Variants in RASGEF1B observed in about 807,000 individuals in gnomAD.
RASGEF1B encodes the protein ras-GEF domain-containing family member 1B.
In RASGEF1B, 30 loss-of-function variants were observed where a neutral mutation model predicts 65.7. The observed-to-expected ratio is 0.46, with a 90% CI of 0.34 to 0.62. The LOEUF is 0.62. Among genes scored for constraint, RASGEF1B ranks in the 20% least tolerant of loss-of-function variants. RASGEF1B has a pLI of 0.01. For synonymous variants in RASGEF1B, 175 were observed against 194.8 expected (o/e 0.90, Z 0.85); for missense variants, 495 against 580.1 (o/e 0.85, Z 1.51).
At chr4:81,435,649 T>C (rs1349896116) in intron 10 of RASGEF1B, among the ~76,000 whole-genome samples, 1 of 147,184 alleles carries the variant, frequency 6.8e-6, no homozygotes, top group Non-Finnish European at 1.5e-5. Context: ...TTTTTTTTTG[T>C]ATTTTTTAGT....
chr4:81,468,907 G>C (rs1450539201), intron 1 of RASGEF1B, among the ~76,000 whole-genome samples: 2 of 152,188 alleles, frequency 1.3e-5, no homozygotes, highest in Non-Finnish European at 2.9e-5. Context: ...TGCAGGCATA[G>C]AGAAAAAATA....
At chr4:81,432,445 C>A in intron 12 of RASGEF1B, 74 bp from the exon 13 acceptor site, 1 of 908,678 alleles carries the variant, frequency 1.1e-6, no homozygotes, top group South Asian at 1.5e-5. Context: ...CACCCTTGTT[C>A]GACTTGAGCC....
In RASGEF1B at chr4:81,445,407, A is replaced by G. The variant is rs576283235; in HGVS notation, c.928+119T>C. 4.8e-5 allele frequency: 35 copies of G among 731,084 alleles called. No homozygotes were observed. The East Asian group carries it at 7.4e-4, about 16-fold the overall frequency. The allele number at this position is 731,084 out of a possible 1,614,324, so 45.3% of individuals were successfully genotyped here. A position where few individuals can be genotyped will look rare whatever the true frequency, so the allele number is the denominator to read the frequency against. ...TAAAGCATTTTGGGCATTCTCAAAT[A>G]ACTCTGGATTAAAAAATACAGTCTG... On this transcript the variant is annotated intron_variant, in intron 8 of 13. Coordinates refer to ENST00000264400, the MANE Select transcript of RASGEF1B (RefSeq NM_152545.3).
At chr4:81,463,590 C>T (rs1440757482) in intron 1 of RASGEF1B, among the ~76,000 whole-genome samples, 1 of 152,172 alleles carries the variant, frequency 6.6e-6, no homozygotes. Flanking sequence ...AACCAGTGGC[C>T]AGTCTAGCTG....
At chr4:81,470,303 T>A (rs2110003301) in intron 1 of RASGEF1B, among the ~76,000 whole-genome samples, 1 of 152,326 alleles carries the variant, frequency 6.6e-6, no homozygotes, top group Admixed American at 6.5e-5. Context: ...GCCAACCAGG[T>A]ATATACGCTG....
intron 12 of RASGEF1B, among the ~76,000 whole-genome samples, chr4:81,432,697 T>TTGGA (rs1553943651): frequency 3.9e-5 from 6 of 152,086 alleles, no homozygotes; most frequent in African/African-American, 9.7e-5. Context: ...AAGAAAGGGG[T>TTGGA]GGGAGTTCTT....
At chr4:81,442,490 TAGTA>T (rs1327697680) in intron 8 of RASGEF1B, 114 bp from the exon 9 acceptor site, 52 of 683,712 alleles carry the variant, frequency 7.6e-5, no homozygotes, top group South Asian at 3.6e-4. Context: ...ATTCTAAAAT[TAGTA>T]AGTAACAAAC....
intron 1 of RASGEF1B, among the ~76,000 whole-genome samples, chr4:81,460,389 G>A (rs777936734): frequency 3.9e-5 from 6 of 152,176 alleles, no homozygotes; most frequent in East Asian, 1.9e-4. Flanking sequence ...CTGGCACCAC[G>A]TCTGCACAAT....
chr4:81,432,020 A>AT (rs144119071), intron 13 of RASGEF1B, among the ~76,000 whole-genome samples: 4,948 of 152,168 alleles, frequency 0.033, 259 homozygotes, highest in African/African-American at 0.11. Context: ...AAGTCAATGC[A>AT]TTTTTTTTAA....
At chr4:81,465,286 A>G (rs529667994) in intron 1 of RASGEF1B, among the ~76,000 whole-genome samples, 1 of 152,318 alleles carries the variant, frequency 6.6e-6, no homozygotes, top group South Asian at 2.1e-4. Flanking sequence ...AATGGAAAAC[A>G]GACTCTGGTT....
intron 13 of RASGEF1B, among the ~76,000 whole-genome samples, chr4:81,428,490 GTAA>G (rs1190706510): frequency 2.0e-5 from 3 of 152,116 alleles, no homozygotes; most frequent in African/African-American, 7.2e-5. Flanking sequence ...TGTTCCCTAA[GTAA>G]TATGGTATAA....
intron 2 of RASGEF1B, 60 bp from the exon 3 acceptor site, chr4:81,457,681 T>A: frequency 6.3e-7 from 1 of 1,579,218 alleles, no homozygotes; most frequent in Non-Finnish European, 8.6e-7. Flanking sequence ...TATCTTGCCT[T>A]TATACTATGT....
Position 81,445,636 on chromosome 4 carries a change from G to A in RASGEF1B, c.826-8C>T. On this transcript the variant is annotated splice_region_variant and splice_polypyrimidine_tract_variant and intron_variant, in intron 7 of 13. Coordinates refer to ENST00000264400, the MANE Select transcript of RASGEF1B (RefSeq NM_152545.3). Reference sequence around the variant, plus strand: ...GTGTTTTTTCTTAACAGGCTACACAGTAAAAGACAATAGAGGGCAGTTATC... The same window carrying A: ...GTGTTTTTTCTTAACAGGCTACACAATAAAAGACAATAGAGGGCAGTTATC... The A allele has an allele frequency of 6.2e-7, 1 of 1,607,620 alleles. No individual in the cohort carries two copies. Among genetic ancestry groups the A allele is most frequent in the Non-Finnish European group, 8.5e-7 (1 of 1,174,182 alleles).
At chr4:81,436,716 T>C (rs1332197060) in intron 10 of RASGEF1B, among the ~76,000 whole-genome samples, 1 of 152,216 alleles carries the variant, frequency 6.6e-6, no homozygotes, top group African/African-American at 2.4e-5. Context: ...GTGGTACTTC[T>C]ATATTGAGTG....
Position 81,466,530 on chromosome 4 carries a change from T to G in RASGEF1B, c.-7+5240A>C, listed in dbSNP as rs575852676. On this transcript the variant is annotated intron_variant, in intron 1 of 13. Transcript: ENST00000264400. Reference sequence around the variant, plus strand: ...ATCCCAGCTCTTTGGGAGGCTGAGGTGGGCAGATCACAAAGTCAGCAGATC... The same window carrying G: ...ATCCCAGCTCTTTGGGAGGCTGAGGGGGGCAGATCACAAAGTCAGCAGATC... Among the ~76,000 whole-genome samples the G allele has an allele frequency of 5.9e-5, 9 of 151,682 alleles. No individual in the cohort carries two copies. In the South Asian group the frequency reaches 1.5e-3, roughly 25 times the overall value.
rs568931517 is a variant in RASGEF1B, at chr4:81,427,575, GTCTA to G, written c.*189_*192del. ...AACATTTCAGTCTCACAAAATCTGA[GTCTA>G]TCTGTCAGCTGCAGGAAATAAGTTC... On this transcript the variant is annotated 3_prime_UTR_variant, in exon 14 of 14. Transcript: ENST00000264400. 1,592 of 538,414 alleles carry G rather than the reference GTCTA, an allele frequency of 3.0e-3. 3 individuals carry two copies. Among genetic ancestry groups the G allele is most frequent in the South Asian group, 7.7e-3 (284 of 37,120 alleles). The allele number at this position is 538,414 out of a possible 1,614,324, so 33.4% of individuals were successfully genotyped here. A position where few individuals can be genotyped will look rare whatever the true frequency, so the allele number is the denominator to read the frequency against.
chr4:81,460,988 G>C (rs1000055130), intron 1 of RASGEF1B, among the ~76,000 whole-genome samples: 12 of 151,436 alleles, frequency 7.9e-5, no homozygotes, highest in Admixed American at 7.9e-4. Context: ...GCAGCCAAAG[G>C]GTCAGGCACT....
intron 1 of RASGEF1B, among the ~76,000 whole-genome samples, chr4:81,466,431 G>A (rs1294171638): frequency 6.6e-6 from 1 of 152,066 alleles, no homozygotes; most frequent in African/African-American, 2.4e-5. Context: ...TCAAGTTTCT[G>A]ACACTATTTA....
In RASGEF1B at chr4:81,432,372, C is replaced by A; in HGVS notation, c.1325-1G>T. The A allele has an allele frequency of 6.3e-7, 1 of 1,598,676 alleles. No individual in the cohort carries two copies. Among genetic ancestry groups the A allele is most frequent in the Non-Finnish European group, 8.6e-7 (1 of 1,167,124 alleles). On this transcript the variant is annotated splice_acceptor_variant, in intron 12 of 13. Transcript: ENST00000264400. LOFTEE classifies it high-confidence loss of function. ...CTCTCATAAGAAGCCAAGTAGAGAG[C>A]TACAATCAAACAAAAGAAAGTGCAT... is the stretch of plus-strand genomic sequence containing the variant.
Sources: allele counts gnomAD v4.1 joint callset (sites outside exome capture counted in the v4.1 genomes callset), GRCh38; gene constraint gnomAD v4.1.1; transcripts MANE v1.5; gene names NCBI Gene and HGNC (gene_info 2026-07-23, HGNC 2026-07-21).